RGSL1: variants seen among roughly 807,000 people sequenced by gnomAD.
RGSL1 encodes the protein regulator of G protein signaling protein-like.
RGSL1 carries 97 observed loss-of-function variants against 124.7 expected under a neutral mutation model. The observed-to-expected ratio is 0.78, with a 90% CI of 0.66 to 0.92. RGSL1 has a LOEUF of 0.92. Ranked by LOEUF, RGSL1 falls within the 40% of genes least tolerant of loss-of-function variation. The pLI, the probability that RGSL1 is intolerant of heterozygous loss-of-function variation, is 0.00. For synonymous variants in RGSL1, 424 were observed against 438.1 expected (o/e 0.97, Z 0.40); for missense variants, 1,233 against 1,288.4 (o/e 0.96, Z 0.66).
upstream of RGSL1, among the ~76,000 whole-genome samples, chr1:182,449,669 T>C (rs1304629885): frequency 6.6e-6 from 1 of 152,214 alleles, no homozygotes; most frequent in Non-Finnish European, 1.5e-5. Flanking sequence ...TTTCACTCTG[T>C]TGCCCAAGCT....
rs56265214 is a variant in RGSL1, at chr1:182,551,126, C to T, written c.2960C>T (p.Ser987Phe). Residue 987 changes from serine (S) to phenylalanine (F), a missense_variant, in exon 18 of 22, where the codon TCT (serine) becomes TTT (phenylalanine). By Grantham distance (155) the Ser-to-Phe change is radical. Transcript: ENST00000294854. Reference sequence around the variant, plus strand: ...TTTTGTTTCTGGAAGGCAACCCGCTCTTACTTACAGTATAGGGGGAAGAAG... The same window carrying T: ...TTTTGTTTCTGGAAGGCAACCCGCTTTTACTTACAGTATAGGGGGAAGAAG... ...KRFCFWKATR[S>F]YLQYRGKKFK... The T allele has an allele frequency of 1.3e-6, 2 of 1,551,698 alleles. No homozygotes were observed. Among genetic ancestry groups the T allele is most frequent in the East Asian group, 2.4e-5 (1 of 40,920 alleles).
intron 10 of RGSL1, among the ~76,000 whole-genome samples, chr1:182,523,614 C>T (rs994399388): frequency 3.9e-5 from 6 of 152,168 alleles, no homozygotes; most frequent in African/African-American, 1.4e-4. Context: ...AGGGTCATAT[C>T]ATCTAGTTTC....
intron 20 of RGSL1, chr1:182,554,992 C>T (rs1660781561): frequency 2.8e-6 from 1 of 357,786 alleles, no homozygotes; most frequent in African/African-American, 2.0e-5. Context: ...TTTTATTTTT[C>T]ATTTTTATAG....
chr1:182,504,519 T>C (rs1235719388), intron 9 of RGSL1, among the ~76,000 whole-genome samples: 2 of 131,534 alleles, frequency 1.5e-5, no homozygotes, highest in Non-Finnish European at 3.1e-5. Context: ...ATAGTTTTTT[T>C]GTAGAAGACT....
At position 182,459,428 on chromosome 1, in the gene RGSL1, G is replaced by T. The variant is rs192965614; in HGVS notation, c.172-576G>T. Among the ~76,000 whole-genome samples, 11 of 152,180 alleles carry T rather than the reference G, an allele frequency of 7.2e-5. No individual in the cohort carries two copies. The East Asian group carries it at 2.1e-3, about 29-fold the overall frequency. ...CTTTCCCTGAGTTCTGGAGAGTTGA[G>T]AAGAGACATTCTATTCTGAAGCTTA... On this transcript the variant is annotated intron_variant, in intron 3 of 21. Coordinates refer to ENST00000294854, the MANE Select transcript of RGSL1 (RefSeq NM_001137669.2).
chr1:182,504,038 T>A (rs1656615435), intron 9 of RGSL1, among the ~76,000 whole-genome samples: 1 of 144,466 alleles, frequency 6.9e-6, no homozygotes, highest in Non-Finnish European at 1.5e-5. Context: ...TGGAATGCAG[T>A]GGTGGAATCT....
At chr1:182,471,970 C>A (rs76944342) in intron 4 of RGSL1, among the ~76,000 whole-genome samples, 3,144 of 152,276 alleles carry the variant, frequency 0.021, 104 homozygotes, top group African/African-American at 0.072. Flanking sequence ...TCAGGCCTGG[C>A]CAAGTTTTAA....
At chr1:182,511,611 A>C (rs1239790447) in intron 9 of RGSL1, among the ~76,000 whole-genome samples, 1 of 152,178 alleles carries the variant, frequency 6.6e-6, no homozygotes, top group Non-Finnish European at 1.5e-5. Context: ...CCATTGGTCT[A>C]TGTATCTGTT....
intron 10 of RGSL1, among the ~76,000 whole-genome samples, chr1:182,526,550 T>A (rs1658760232): frequency 2.0e-5 from 3 of 151,800 alleles, no homozygotes; most frequent in Non-Finnish European, 2.9e-5. Context: ...GGTGCACACC[T>A]GTAGTTACAG....
At chr1:182,474,639 A>G in intron 6 of RGSL1, 97 bp downstream of exon 6, 1 of 1,416,358 alleles carries the variant, frequency 7.1e-7, no homozygotes, top group Non-Finnish European at 9.3e-7. Flanking sequence ...AAGTGACTAT[A>G]TAATTACCCA....
intron 14 of RGSL1, among the ~76,000 whole-genome samples, chr1:182,537,598 C>T (rs1334962589): frequency 6.6e-6 from 1 of 152,116 alleles, no homozygotes; most frequent in Non-Finnish European, 1.5e-5. Context: ...CAGTTTTATT[C>T]TTTTGGATCT....
chr1:182,460,989 G>A (rs1345946296), intron 4 of RGSL1, among the ~76,000 whole-genome samples: 4 of 152,118 alleles, frequency 2.6e-5, no homozygotes, highest in Admixed American at 6.5e-5. Context: ...TCTGTGCTCC[G>A]ATTGCTACTT....
chr1:182,540,985 A>T (rs755641428), intron 15 of RGSL1, among the ~76,000 whole-genome samples: 1 of 152,188 alleles, frequency 6.6e-6, no homozygotes, highest in Admixed American at 6.5e-5. Flanking sequence ...TAATAGATTT[A>T]CATATTTTGG....
intron 8 of RGSL1, among the ~76,000 whole-genome samples, chr1:182,491,921 C>CACCACA (rs1655553651): frequency 6.6e-6 from 1 of 152,160 alleles, no homozygotes; most frequent in South Asian, 2.1e-4. Flanking sequence ...TAAAACATCT[C>CACCACA]TTGCTATCTC....
intron 2 of RGSL1, among the ~76,000 whole-genome samples, chr1:182,457,024 G>A (rs1652391835): frequency 6.6e-6 from 1 of 152,112 alleles, no homozygotes; most frequent in Admixed American, 6.5e-5. Context: ...GCGCATGCCT[G>A]TAATCCCGGC....
chr1:182,467,229 C>G (rs1192802749), intron 4 of RGSL1, among the ~76,000 whole-genome samples: 1 of 152,170 alleles, frequency 6.6e-6, no homozygotes, highest in South Asian at 2.1e-4. Context: ...CCCCATCAAG[C>G]TACCAATGAC....
At chr1:182,452,611 C>A (rs562217348) in intron 1 of RGSL1, among the ~76,000 whole-genome samples, 1 of 152,210 alleles carries the variant, frequency 6.6e-6, no homozygotes, top group East Asian at 1.9e-4. Flanking sequence ...CGCCACTATG[C>A]CTGGCTAATT....
chr1:182,474,503 G>C lies in RGSL1; in HGVS notation c.1392G>C (p.Val464=). Residue 464 remains valine (V), a synonymous_variant, in exon 6 of 22, where the codon GTG becomes GTC. Coordinates refer to ENST00000294854, the MANE Select transcript of RGSL1 (RefSeq NM_001137669.2). ...GLKELLPSGD[V]IPWIPKAQKE... ...AGGAACTATTGCCCTCTGGGGATGT[G>C]ATCCCCTGGATTCCCAAAGCCCAGA... is the stretch of plus-strand genomic sequence containing the variant. The C allele has an allele frequency of 1.3e-6, 2 of 1,549,040 alleles. No individual in the cohort carries two copies. Among genetic ancestry groups the C allele is most frequent in the Non-Finnish European group, 1.7e-6 (2 of 1,144,956 alleles).
rs1261398626 is a variant in RGSL1 at position 182,509,825 on chromosome 1, C to G, written c.1826-12179C>G. Among the ~76,000 whole-genome samples the G allele has an allele frequency of 8.6e-4, 117 of 135,686 alleles. No individual in the cohort carries two copies. The East Asian group carries it at 0.02, about 23-fold the overall frequency. 89.0% of individuals were successfully genotyped at this position (135,686 alleles called of 152,430 possible). ...TGGCCGGGCGGGGGGCTGACCCCCC[C>G]CCACCTCCCTCCCGGACGGGGTGGC... On this transcript the variant is annotated intron_variant, in intron 9 of 21. Coordinates refer to ENST00000294854, the MANE Select transcript of RGSL1 (RefSeq NM_001137669.2).
Sources: gnomAD v4.1 joint callset for allele counts (sites outside exome capture counted in the v4.1 genomes callset) on GRCh38, gnomAD v4.1.1 for gene constraint, MANE v1.5 for transcripts, NCBI Gene and HGNC (gene_info 2026-07-23, HGNC 2026-07-21) for gene names.